Variants in ERBB4 observed in about 807,000 individuals in gnomAD.
ERBB4 encodes erb-b2 receptor tyrosine kinase 4.
A neutral mutation model predicts 158.0 loss-of-function variants in ERBB4; 42 were observed. The ratio of observed to expected loss-of-function variants is 0.27; its 90% confidence interval spans 0.21 to 0.34. ERBB4 has a LOEUF of 0.34. Among genes scored for constraint, ERBB4 ranks in the 10% least tolerant of loss-of-function variants. ERBB4 has a pLI of 1.00. For synonymous variants in ERBB4, 583 were observed against 558.7 expected (o/e 1.04, Z -0.61); for missense variants, 1,333 against 1,624.1 (o/e 0.82, Z 3.08).
intron 20 of ERBB4, among the ~76,000 whole-genome samples, chr2:211,522,432 A>T (rs1249680163): frequency 6.6e-6 from 1 of 152,190 alleles, no homozygotes; most frequent in African/African-American, 2.4e-5. Flanking sequence ...GTTGTTTCTT[A>T]TGGATGAGCA....
At chr2:212,147,259 C>A (rs2080714940) in intron 1 of ERBB4, among the ~76,000 whole-genome samples, 1 of 145,748 alleles carries the variant, frequency 6.9e-6, no homozygotes, top group Middle Eastern at 3.5e-3. Flanking sequence ...ACCTGCCTAG[C>A]CTCCCTAAGT....
At chr2:211,417,181 A>C (rs1045220437) in intron 25 of ERBB4, among the ~76,000 whole-genome samples, 3 of 152,156 alleles carry the variant, frequency 2.0e-5, no homozygotes, top group African/African-American at 7.2e-5. Flanking sequence ...TATTGCTTAA[A>C]AAGATTTGAG....
intron 2 of ERBB4, among the ~76,000 whole-genome samples, chr2:211,997,191 T>C (rs1440041176): frequency 1.3e-5 from 2 of 152,112 alleles, no homozygotes; most frequent in African/African-American, 4.8e-5. Flanking sequence ...CTAATATCTA[T>C]CAAAAAGATA....
intron 2 of ERBB4, among the ~76,000 whole-genome samples, chr2:212,052,623 A>G (rs935731436): frequency 2.0e-5 from 3 of 152,232 alleles, no homozygotes; most frequent in Non-Finnish European, 1.5e-5. Flanking sequence ...TATAGATTTT[A>G]GAATAAACAC....
chr2:212,330,185 C>T (rs7573383), intron 1 of ERBB4, among the ~76,000 whole-genome samples: 149,404 of 152,192 alleles, frequency 0.98, 73,395 homozygotes, highest in African/African-American at 1. Flanking sequence ...GGATACTATA[C>T]TCCTCTGAAA....
intron 1 of ERBB4, among the ~76,000 whole-genome samples, chr2:212,296,684 A>G (rs920833350): frequency 3.9e-5 from 6 of 151,908 alleles, no homozygotes; most frequent in East Asian, 3.9e-4. Context: ...ACTGGCTTCA[A>G]TCTGAATGTA....
At chr2:212,347,090 T>C (rs931061599) in intron 1 of ERBB4, among the ~76,000 whole-genome samples, 4 of 152,124 alleles carry the variant, frequency 2.6e-5, no homozygotes, top group African/African-American at 9.6e-5. Flanking sequence ...CATTGTAAGA[T>C]ACAGTGTTGG....
intron 1 of ERBB4, among the ~76,000 whole-genome samples, chr2:212,164,213 T>G (rs2081282066): frequency 1.3e-5 from 2 of 152,038 alleles, no homozygotes; most frequent in Admixed American, 1.3e-4. Context: ...ACATGTGAAT[T>G]TGACATATGG....
chr2:211,976,917 T>A (rs1354863790), intron 2 of ERBB4, among the ~76,000 whole-genome samples: 2 of 152,230 alleles, frequency 1.3e-5, no homozygotes. Context: ...TTTCTATCTG[T>A]GTGATCTTAG....
intron 1 of ERBB4, among the ~76,000 whole-genome samples, chr2:212,500,081 A>G (rs1175344502): frequency 6.6e-6 from 1 of 152,142 alleles, no homozygotes; most frequent in Non-Finnish European, 1.5e-5. Flanking sequence ...TAGAAACGAT[A>G]AAGTGTAGTT....
intron 1 of ERBB4, among the ~76,000 whole-genome samples, chr2:212,476,930 T>C (rs1244629446): frequency 6.6e-6 from 1 of 152,104 alleles, no homozygotes; most frequent in Non-Finnish European, 1.5e-5. Flanking sequence ...TATTAACTAT[T>C]TTTAGCTTCT....
intron 2 of ERBB4, among the ~76,000 whole-genome samples, chr2:212,046,062 A>T (rs1161318456): frequency 6.6e-6 from 1 of 152,240 alleles, no homozygotes; most frequent in Non-Finnish European, 1.5e-5. Flanking sequence ...TGAAGATGAC[A>T]ATTTGGATAA....
At chr2:211,523,841 C>T (rs1468123351) in intron 20 of ERBB4, among the ~76,000 whole-genome samples, 1 of 152,104 alleles carries the variant, frequency 6.6e-6, no homozygotes, top group African/African-American at 2.4e-5. Flanking sequence ...CTTTTATTCT[C>T]TTATCTGGCC....
At chr2:211,740,224 T>A (rs2106180058) in intron 5 of ERBB4, among the ~76,000 whole-genome samples, 1 of 152,310 alleles carries the variant, frequency 6.6e-6, no homozygotes, top group Non-Finnish European at 1.5e-5. Context: ...GGTAAAAATA[T>A]TTTAGATAGA....
intron 2 of ERBB4, among the ~76,000 whole-genome samples, chr2:211,970,795 G>C (rs1466257516): frequency 6.6e-6 from 1 of 152,110 alleles, no homozygotes; most frequent in Non-Finnish European, 1.5e-5. Flanking sequence ...GGGTCTCTTA[G>C]AGGCAGCATA....
rs752469691 is a variant in ERBB4, at chr2:211,783,497, T to C, written c.556+4528A>G. On this transcript the variant is annotated intron_variant, in intron 4 of 27. Transcript: ENST00000342788. Reference sequence around the variant, plus strand: ...TTTGGCCATTCAGTATGATATTGGCTGTGGGTTTGTCATAAATAGCTCTTA... The same window carrying C: ...TTTGGCCATTCAGTATGATATTGGCCGTGGGTTTGTCATAAATAGCTCTTA... 1.1e-3 allele frequency among the ~76,000 whole-genome samples: 160 copies of C among 152,342 alleles called. 1 individual carries two copies. Among genetic ancestry groups the C allele is most frequent in the Non-Finnish European group, 2.0e-3 (135 of 68,020 alleles).
chr2:211,720,247 C>T (rs996197449), intron 7 of ERBB4, among the ~76,000 whole-genome samples: 1 of 152,202 alleles, frequency 6.6e-6, no homozygotes, highest in African/African-American at 2.4e-5. Flanking sequence ...TTTATGTGTG[C>T]CTGCTGTATT....
intron 1 of ERBB4, among the ~76,000 whole-genome samples, chr2:212,436,819 CTTAAG>C (rs1450466000): frequency 6.6e-6 from 1 of 151,932 alleles, no homozygotes; most frequent in Non-Finnish European, 1.5e-5. Context: ...GCAGGTTAGA[CTTAAG>C]TTAAATGCTT....
At chr2:211,905,755 T>C (rs1474919456) in intron 3 of ERBB4, among the ~76,000 whole-genome samples, 1 of 144,198 alleles carries the variant, frequency 6.9e-6, no homozygotes, top group Non-Finnish European at 1.5e-5. Context: ...TATATATATA[T>C]ATATATATAC....
Sources: gnomAD v4.1 joint callset for allele counts (sites outside exome capture counted in the v4.1 genomes callset) on GRCh38, gnomAD v4.1.1 for gene constraint, MANE v1.5 for transcripts, NCBI Gene and HGNC (gene_info 2026-07-23, HGNC 2026-07-21) for gene names.